The following SSUH2 variants were observed in gnomAD, a reference collection of about 807,000 sequenced individuals.
SSUH2 encodes the protein protein SSUH2 homolog.
SSUH2 carries 47 observed loss-of-function variants against 55.3 expected under a neutral mutation model. The observed-to-expected ratio is 0.85, with a 90% CI of 0.67 to 1.08. The LOEUF (loss-of-function observed/expected upper bound fraction) is 1.08. Ranked by LOEUF, SSUH2 falls within the 50% of genes least tolerant of loss-of-function variation. SSUH2 has a pLI of 0.00. For synonymous variants in SSUH2, 212 were observed against 191.5 expected, an observed-to-expected ratio of 1.11 and a Z score of -0.89; for missense variants, 535 against 490.7, an observed-to-expected ratio of 1.09 and a Z score of -0.85.
intron 5 of SSUH2, among the ~76,000 whole-genome samples, chr3:8,631,732 G>A (rs893922566): frequency 1.3e-5 from 2 of 152,022 alleles, no homozygotes; most frequent in Non-Finnish European, 2.9e-5. Flanking sequence ...TGGCATGAGG[G>A]GGTGTAGGTG....
intron 6 of SSUH2, among the ~76,000 whole-genome samples, chr3:8,660,473 A>T (rs1703365501): frequency 6.6e-6 from 1 of 152,202 alleles, no homozygotes; most frequent in Non-Finnish European, 1.5e-5. Flanking sequence ...TAGCAATCTC[A>T]CTTCAAGAAC....
chr3:8,644,859 A>T (rs777046067), upstream of SSUH2: 185 of 954,978 alleles, frequency 1.9e-4, 1 homozygote, highest in Non-Finnish European at 2.4e-4. Flanking sequence ...CAGCAGGCCC[A>T]TTGTTACCCA....
intron 1 of SSUH2, among the ~76,000 whole-genome samples, chr3:8,641,348 C>G (rs1394307269): frequency 6.6e-6 from 1 of 152,228 alleles, no homozygotes; most frequent in African/African-American, 2.4e-5. Context: ...AATACCTAAC[C>G]TGCTACGCAG....
chr3:8,674,152 G>C (rs1704948645), intron 3 of SSUH2, among the ~76,000 whole-genome samples: 1 of 152,236 alleles, frequency 6.6e-6, no homozygotes, highest in South Asian at 2.1e-4. Flanking sequence ...ATGAACGTCA[G>C]GCCTGGCGAA....
At chr3:8,634,391 C>T (rs1386746231) in intron 3 of SSUH2, 1 of 1,291,762 alleles carries the variant, frequency 7.7e-7, no homozygotes, top group Non-Finnish European at 1.0e-6. Flanking sequence ...CCATGCCACC[C>T]CCTTACTGAA....
chr3:8,638,345 A>G (rs1298770443), intron 1 of SSUH2, among the ~76,000 whole-genome samples: 1 of 152,228 alleles, frequency 6.6e-6, no homozygotes, highest in Non-Finnish European at 1.5e-5. Context: ...TCCTCTGACA[A>G]TAAGAAATAC....
intron 1 of SSUH2, among the ~76,000 whole-genome samples, chr3:8,641,738 C>G (rs1419389121): frequency 1.3e-5 from 2 of 152,236 alleles, no homozygotes; most frequent in African/African-American, 4.8e-5. Flanking sequence ...CACTGAGATC[C>G]CCCGTCAGTC....
Position 8,659,697 on chromosome 3 carries a change from A to T in SSUH2, c.-395-684T>A, listed in dbSNP as rs148011563. Reference sequence around the variant, plus strand: ...TGGGCATGGGATCCAGTATTCATCCATCTACCATGCATCATCCGTCTGTCC... The same window carrying T: ...TGGGCATGGGATCCAGTATTCATCCTTCTACCATGCATCATCCGTCTGTCC... On this transcript the variant is annotated intron_variant, in intron 6 of 18. Transcript: ENST00000317371. The T allele has an allele frequency of 1.7e-4, 77 of 448,184 alleles. No individual in the cohort carries two copies. In the Middle Eastern group the frequency reaches 2.3e-3, roughly 13 times the overall value. The allele number at this position is 448,184 out of a possible 1,614,324, so 27.8% of individuals were successfully genotyped here. A position where few individuals can be genotyped will look rare whatever the true frequency, so the allele number is the denominator to read the frequency against.
intron 1 of SSUH2, among the ~76,000 whole-genome samples, chr3:8,681,415 G>A (rs1401959144): frequency 2.7e-5 from 3 of 111,942 alleles, no homozygotes; most frequent in South Asian, 3.1e-4. Context: ...AGGCACCCCC[G>A]GCGAGCCCGG....
At chr3:8,663,701 C>A (rs547383295) in intron 6 of SSUH2, 9 of 408,994 alleles carry the variant, frequency 2.2e-5, no homozygotes, top group South Asian at 1.7e-5. Flanking sequence ...CAGCCTCCCC[C>A]ATCCAAAGCT....
intron 1 of SSUH2, among the ~76,000 whole-genome samples, chr3:8,644,127 T>C (rs900771479): frequency 2.0e-5 from 3 of 152,206 alleles, no homozygotes; most frequent in Admixed American, 6.5e-5. Context: ...TGAGAATCCA[T>C]TGTATTTCTG....
chr3:8,626,862 C>G (rs993478156), intron 8 of SSUH2: 4 of 152,490 alleles, frequency 2.6e-5, no homozygotes, highest in African/African-American at 9.6e-5. Context: ...GCACCCGGAT[C>G]CAGCTGGGCC....
Position 8,635,307 on chromosome 3 carries a change from C to T in SSUH2, c.202G>A (p.Glu68Lys), listed in dbSNP as rs772270942. ...GTACAACCTGAAACTCACCTGTGTT[C>T]CAGGAACGAGGGCCAGGACCTTTGC... ...QEQRSWPSFL[E>K]HRVPAMTEEV... Residue 68 changes from glutamate to lysine, a missense_variant, in exon 3 of 12, where the codon GAA becomes AAA. Physicochemically the swap from Glu to Lys is moderately conservative, Grantham distance 56. Transcript: ENST00000544814. 3.3e-6 allele frequency: 5 copies of T among 1,535,358 alleles called. No individual in the cohort carries two copies. The East Asian group carries it at 1.2e-4, about 38-fold the overall frequency.
exon 3 of SSUH2, chr3:8,677,298 C>CG (rs1236153560): frequency 1.3e-5 from 2 of 151,400 alleles, no homozygotes; most frequent in African/African-American, 2.4e-5. Flanking sequence ...AACAGGGGTC[C>CG]GAACTCAGCA....
At chr3:8,660,987 G>A (rs389369) in intron 6 of SSUH2, among the ~76,000 whole-genome samples, 117,050 of 152,166 alleles carry the variant, frequency 0.77, 45,367 homozygotes, top group East Asian at 0.84. Flanking sequence ...CCAGGACAGT[G>A]AGCAGGATGT....
chr3:8,632,100 C>G lies in SSUH2; in HGVS notation c.349G>C (p.Glu117Gln). 1 of 1,613,908 alleles carries G rather than the reference C, an allele frequency of 6.2e-7. No homozygotes were observed. Among genetic ancestry groups the G allele is most frequent in the South Asian group, 1.1e-5 (1 of 91,068 alleles). Residue 117 changes from glutamate (E) to glutamine (Q), a missense_variant, in exon 5 of 12, where the codon GAG becomes CAG. Glu to Gln is a conservative substitution (Grantham distance 29). Coordinates refer to ENST00000544814, the MANE Select transcript of SSUH2 (RefSeq NM_001256748.3). ...KRQTLCRYRLETFSESRISEW... is the reference protein window; with the variant it reads ...KRQTLCRYRLQTFSESRISEW... ...CTTATCCTGGATTCACTAAAGGTCT[C>G]CAGACGGTACTAAAAGGAAAAAAAC...
At chr3:8,662,060 C>T (rs1189961692) in intron 6 of SSUH2, among the ~76,000 whole-genome samples, 2 of 152,178 alleles carry the variant, frequency 1.3e-5, no homozygotes, top group African/African-American at 2.4e-5. Context: ...ATCCATTAAA[C>T]CTTCTTTTCT....
At chr3:8,680,363 T>A (rs1705862718) in intron 1 of SSUH2, among the ~76,000 whole-genome samples, 1 of 151,860 alleles carries the variant, frequency 6.6e-6, no homozygotes, top group Non-Finnish European at 1.5e-5. Flanking sequence ...ACAGACTGTT[T>A]ACCATATTGT....
chr3:8,633,882 G>C (rs143511291), intron 3 of SSUH2, 87 bp from the exon 4 acceptor site: 4 of 1,613,848 alleles, frequency 2.5e-6, no homozygotes, highest in Non-Finnish European at 3.4e-6. Context: ...ACGTGCAGGC[G>C]AGAAACTGAG....
Sources: allele counts gnomAD v4.1 joint callset (sites outside exome capture counted in the v4.1 genomes callset), GRCh38; gene constraint gnomAD v4.1.1; transcripts MANE v1.5; gene names NCBI Gene and HGNC (gene_info 2026-07-23, HGNC 2026-07-21).